SAMD4A: variants seen among roughly 807,000 people sequenced by gnomAD.
SAMD4A encodes the protein sterile alpha motif domain containing 4A, also known as protein Smaug homolog 1.
SAMD4A carries 33 observed loss-of-function variants against 81.3 expected under a neutral mutation model. The observed-to-expected ratio is 0.41, with a 90% CI of 0.31 to 0.54. The LOEUF is 0.54. Ranked by LOEUF, SAMD4A falls within the 20% of genes least tolerant of loss-of-function variation. SAMD4A has a pLI of 0.37. For synonymous variants in SAMD4A, 389 were observed against 382.1 expected (o/e 1.02, Z -0.21); for missense variants, 854 against 951.1 (o/e 0.90, Z 1.34).
intron 2 of SAMD4A, among the ~76,000 whole-genome samples, chr14:54,625,148 A>G (rs554898366): frequency 6.6e-6 from 1 of 152,148 alleles, no homozygotes; most frequent in African/African-American, 2.4e-5. Flanking sequence ...CCCACAGCCC[A>G]TAAAAGGTTT....
At chr14:54,658,323 G>A (rs532218886) in intron 2 of SAMD4A, among the ~76,000 whole-genome samples, 1 of 152,070 alleles carries the variant, frequency 6.6e-6, no homozygotes, top group Non-Finnish European at 1.5e-5. Flanking sequence ...AAAATAAAAA[G>A]AGCATGTAAC....
intron 8 of SAMD4A, among the ~76,000 whole-genome samples, chr14:54,766,177 G>A (rs2038537939): frequency 6.6e-6 from 1 of 152,180 alleles, no homozygotes; most frequent in African/African-American, 2.4e-5. Context: ...CAGGGACAAG[G>A]CCTTCTCCCC....
intron 3 of SAMD4A, among the ~76,000 whole-genome samples, chr14:54,732,383 C>G (rs913652533): frequency 7.2e-5 from 11 of 152,084 alleles, no homozygotes; most frequent in African/African-American, 2.7e-4. Context: ...ATTTTGGGGT[C>G]TTTCTACTAC....
rs558316510 is a variant in SAMD4A, at chr14:54,786,116, C to T, written c.2128+1496C>T. Among the ~76,000 whole-genome samples, 88 of 152,046 alleles carry T rather than the reference C, an allele frequency of 5.8e-4. 2 individuals carry two copies. The South Asian group carries it at 0.017, about 30-fold the overall frequency. On this transcript the variant is annotated intron_variant, in intron 12 of 12. Coordinates refer to ENST00000554335, the MANE Select transcript of SAMD4A (RefSeq NM_015589.6). ...TGTCCACCAAAGGATGAACATGGCT[C>T]AAAAAAATGTGGTGTATCCAAACAG...
intron 2 of SAMD4A, among the ~76,000 whole-genome samples, chr14:54,634,719 ATCTGTCTGTCTG>A (rs3049869): frequency 0.044 from 6,287 of 142,450 alleles, 176 homozygotes; most frequent in African/African-American, 0.076. Flanking sequence ...CTATCTATCT[ATCTGTCTGTCTG>A]TCTGTCTGTC....
chr14:54,736,989 G>A, intron 3 of SAMD4A, 35 bp from the exon 4 acceptor site: 2 of 1,606,746 alleles, frequency 1.2e-6, no homozygotes, highest in Non-Finnish European at 1.7e-6. Context: ...ATAAAGGGGG[G>A]GGAATAACCT....
At chr14:54,664,667 A>G (rs1268811130) in intron 2 of SAMD4A, among the ~76,000 whole-genome samples, 1 of 151,850 alleles carries the variant, frequency 6.6e-6, no homozygotes, top group African/African-American at 2.4e-5. Context: ...CAAAGAACTT[A>G]ATGCTCCTAT....
intron 2 of SAMD4A, among the ~76,000 whole-genome samples, chr14:54,640,379 A>G (rs1466519482): frequency 6.6e-6 from 1 of 152,202 alleles, no homozygotes; most frequent in Non-Finnish European, 1.5e-5. Flanking sequence ...TTGACACAGA[A>G]TCAATTATTT....
chr14:54,600,959 C>G (rs2034037843), intron 2 of SAMD4A, among the ~76,000 whole-genome samples: 1 of 152,202 alleles, frequency 6.6e-6, no homozygotes, highest in African/African-American at 2.4e-5. Flanking sequence ...AGCTGCATTT[C>G]AGTATCTGGG....
intron 2 of SAMD4A, among the ~76,000 whole-genome samples, chr14:54,635,503 A>G (rs908858277): frequency 1.3e-5 from 2 of 151,700 alleles, no homozygotes; most frequent in Non-Finnish European, 2.9e-5. Flanking sequence ...TAATCCCAAC[A>G]CTTTGGGAGG....
At chr14:54,617,984 T>C (rs11848579) in intron 2 of SAMD4A, among the ~76,000 whole-genome samples, 3,594 of 152,352 alleles carry the variant, frequency 0.024, 137 homozygotes, top group African/African-American at 0.083. Flanking sequence ...ATTAGTATGA[T>C]ATAATTTGAT....
chr14:54,739,499 T>G (rs2037792458), intron 4 of SAMD4A, among the ~76,000 whole-genome samples: 1 of 142,460 alleles, frequency 7.0e-6, no homozygotes, highest in Non-Finnish European at 1.5e-5. Context: ...AAGTATAAAG[T>G]CAATAGCAAG....
chr14:54,714,452 C>T (rs564177955), intron 3 of SAMD4A, among the ~76,000 whole-genome samples: 65 of 152,242 alleles, frequency 4.3e-4, no homozygotes, highest in African/African-American at 1.5e-3. Flanking sequence ...TACATATTTA[C>T]AGTAAGTACA....
In SAMD4A at chr14:54,583,089, G is replaced by A. The variant is rs147313936; in HGVS notation, c.196+14977G>A. Reference sequence around the variant, plus strand: ...CTCCCGAGTAGCTGGGGCTACAGGCGTGTGCTACCATGCCTGGCTAATTTT... The same window carrying A: ...CTCCCGAGTAGCTGGGGCTACAGGCATGTGCTACCATGCCTGGCTAATTTT... On this transcript the variant is annotated intron_variant, in intron 2 of 12. Coordinates refer to ENST00000554335, the MANE Select transcript of SAMD4A (RefSeq NM_015589.6). Among the ~76,000 whole-genome samples, 476 of 152,172 alleles carry A rather than the reference G, an allele frequency of 3.1e-3. 2 individuals are homozygous for A. The highest frequency in any genetic ancestry group is 0.017 in the Middle Eastern group (5 of 294).
chr14:54,673,483 G>A (rs894303764), intron 2 of SAMD4A, among the ~76,000 whole-genome samples: 3 of 152,170 alleles, frequency 2.0e-5, no homozygotes, highest in East Asian at 1.9e-4. Flanking sequence ...GTTTTGTGAC[G>A]GCAGCGTCAG....
chr14:54,664,801 T>C (rs1465331701), intron 2 of SAMD4A, among the ~76,000 whole-genome samples: 1 of 144,924 alleles, frequency 6.9e-6, no homozygotes, highest in Non-Finnish European at 1.5e-5. Context: ...TGTTTAATTA[T>C]GTGAATCCAA....
intron 5 of SAMD4A, among the ~76,000 whole-genome samples, chr14:54,751,079 T>A (rs1436896930): frequency 6.6e-6 from 1 of 152,004 alleles, no homozygotes; most frequent in Admixed American, 6.6e-5. Flanking sequence ...CTGGGCAACA[T>A]GGCAAAACCC....
At position 54,567,805 on chromosome 14, in the gene SAMD4A, G is replaced by T; in HGVS notation, c.-112G>T. On this transcript the variant is annotated 5_prime_UTR_variant, in exon 2 of 13. Coordinates refer to ENST00000554335, the MANE Select transcript of SAMD4A (RefSeq NM_015589.6). ...AGCGTCCGGGCACCAGAGCCACCTT[G>T]GAACAGGAACGCGTCTCCGGCCGCG... The T allele has an allele frequency of 8.5e-7, 1 of 1,175,398 alleles. No homozygotes were observed. The highest frequency in any genetic ancestry group is 1.4e-5 in the South Asian group (1 of 71,116). The allele number at this position is 1,175,398 out of a possible 1,614,324, so 72.8% of individuals were successfully genotyped here. A position where few individuals can be genotyped will look rare whatever the true frequency, so the allele number is the denominator to read the frequency against.
intron 2 of SAMD4A, chr14:54,693,896 G>C (rs2036514645): frequency 6.6e-6 from 1 of 152,328 alleles, no homozygotes; most frequent in Non-Finnish European, 1.5e-5. Flanking sequence ...ATTTAAAATA[G>C]TGTAGACAGA....
Sources: allele counts gnomAD v4.1 joint callset (sites outside exome capture counted in the v4.1 genomes callset), GRCh38; gene constraint gnomAD v4.1.1; transcripts MANE v1.5; gene names NCBI Gene and HGNC (gene_info 2026-07-23, HGNC 2026-07-21).